The following LRRC49 variants were observed in gnomAD, a reference collection of about 807,000 sequenced individuals.
LRRC49 encodes leucine rich repeat containing 49, also known as leucine-rich repeat-containing protein 49.
In LRRC49, 50 loss-of-function variants were observed where a neutral mutation model predicts 83.3. The ratio of observed to expected loss-of-function variants is 0.60; its 90% CI spans 0.48 to 0.76. LRRC49 has a LOEUF of 0.76. Among genes scored for constraint, LRRC49 ranks in the 30% least tolerant of loss-of-function variants. The probability of loss-of-function intolerance (pLI) is 0.00; values close to 1 mark genes in which losing one functional copy is unlikely to be tolerated. For missense variants in LRRC49, 704 were observed against 809.1 expected (o/e 0.87, Z 1.58); for synonymous variants, 286 against 283.3 (o/e 1.01, Z -0.10).
At chr15:70,912,932 C>A (rs2034610825) in intron 6 of LRRC49, among the ~76,000 whole-genome samples, 1 of 152,198 alleles carries the variant, frequency 6.6e-6, no homozygotes, top group Non-Finnish European at 1.5e-5. Context: ...CTGCCTCGGC[C>A]TCCCAAAGTG....
upstream of LRRC49, chr15:70,891,770 C>A: frequency 7.4e-7 from 1 of 1,360,006 alleles, no homozygotes; most frequent in South Asian, 1.5e-5. Context: ...GTGCCTTTCC[C>A]AAGGTGACAC....
intron 1 of LRRC49, among the ~76,000 whole-genome samples, chr15:70,866,935 G>T (rs748417884): frequency 6.6e-6 from 1 of 151,918 alleles, no homozygotes; most frequent in East Asian, 1.9e-4. Context: ...ACTCCAGATC[G>T]ACTCAAGGCC....
intron 7 of LRRC49, among the ~76,000 whole-genome samples, chr15:70,933,686 G>A (rs150085700): frequency 0.011 from 1,610 of 152,292 alleles, 117 homozygotes; most frequent in Admixed American, 0.097. Flanking sequence ...AGCCTTGGCT[G>A]TATCTTCGAA....
rs576099348 is a variant in LRRC49, at chr15:70,986,683, T to C, written c.1169+2426T>C. Among the ~76,000 whole-genome samples, 33 of 152,028 alleles carry C rather than the reference T, an allele frequency of 2.2e-4. No homozygotes were observed. In the South Asian group the frequency reaches 6.5e-3, roughly 30 times the overall value. ...CTTCCAACACTGTGTTGAATAGGAG[T>C]GGTGAGAGAGGGCATCCCTGTCTTG... On this transcript the variant is annotated intron_variant, in intron 11 of 15. Transcript: ENST00000260382.
intron 10 of LRRC49, among the ~76,000 whole-genome samples, chr15:70,981,461 T>C (rs2037395108): frequency 6.6e-6 from 1 of 151,886 alleles, no homozygotes; most frequent in Non-Finnish European, 1.5e-5. Flanking sequence ...AACCTGCACG[T>C]TCTGCATATG....
At chr15:70,915,510 ATGTT>A (rs1406359928) in intron 6 of LRRC49, among the ~76,000 whole-genome samples, 1 of 152,004 alleles carries the variant, frequency 6.6e-6, no homozygotes, top group Non-Finnish European at 1.5e-5. Flanking sequence ...TTTTCCATTT[ATGTT>A]TGTTATATCT....
At chr15:70,918,590 A>G (rs1301648466) in intron 6 of LRRC49, 1 of 152,424 alleles carries the variant, frequency 6.6e-6, no homozygotes, top group Admixed American at 6.5e-5. Flanking sequence ...GACTGCTCTC[A>G]AGATCTTGCA....
intron 10 of LRRC49, among the ~76,000 whole-genome samples, chr15:70,982,327 C>G (rs1424705703): frequency 6.6e-6 from 1 of 151,904 alleles, no homozygotes; most frequent in East Asian, 1.9e-4. Context: ...TTCAAAGTGG[C>G]CTTGATACTG....
chr15:70,930,967 A>G (rs915499035), intron 7 of LRRC49, among the ~76,000 whole-genome samples: 11 of 151,940 alleles, frequency 7.2e-5, no homozygotes. Context: ...CTTTCTTCCT[A>G]TTGTTTTTAT....
intron 7 of LRRC49, among the ~76,000 whole-genome samples, chr15:70,928,340 C>T (rs1233082642): frequency 6.6e-6 from 1 of 152,012 alleles, no homozygotes; most frequent in East Asian, 1.9e-4. Flanking sequence ...CTGGTTAAGT[C>T]TAAAAGAGCT....
chr15:70,878,457 C>T (rs1567033468), intron 2 of LRRC49, among the ~76,000 whole-genome samples: 1 of 152,100 alleles, frequency 6.6e-6, no homozygotes, highest in Non-Finnish European at 1.5e-5. Context: ...TTTCCCCTTG[C>T]CTTTATTGCA....
At chr15:70,926,183 G>A (rs1001267305) in intron 7 of LRRC49, among the ~76,000 whole-genome samples, 2 of 152,102 alleles carry the variant, frequency 1.3e-5, no homozygotes, top group African/African-American at 2.4e-5. Context: ...CAGGCACATT[G>A]GTTATTTCCA....
In LRRC49 at chr15:71,032,041, T is replaced by C. The variant is rs546921080; in HGVS notation, c.1704-5138T>C. On this transcript the variant is annotated intron_variant, in intron 14 of 15. Coordinates refer to ENST00000260382, the MANE Select transcript of LRRC49 (RefSeq NM_017691.5). ...TGGGGTTCCAGGCGCCACTGGGGTA[T>C]GAAAAAATACTCCTAAAGCTAGTTC... is the stretch of plus-strand genomic sequence containing the variant. Among the ~76,000 whole-genome samples, 3 of 152,146 alleles carry C rather than the reference T, an allele frequency of 2.0e-5. No individual in the cohort carries two copies. In the South Asian group the frequency reaches 6.2e-4, roughly 32 times the overall value.
chr15:70,872,265 C>G (rs1158272402), intron 1 of LRRC49, among the ~76,000 whole-genome samples: 1 of 152,234 alleles, frequency 6.6e-6, no homozygotes, highest in Non-Finnish European at 1.5e-5. Context: ...CGTGGCAGCA[C>G]GCGCCTGCAA....
rs2037815708 is a variant in LRRC49 at position 70,990,276 on chromosome 15, G to T, written c.1169+6019G>T. ...GGCAGGCAGGCCTCCTTGAGCTGTG[G>T]TGGGCTCCACTCAGTTGGAGCTTCC... On this transcript the variant is annotated intron_variant, in intron 11 of 15. Transcript: ENST00000260382. 2.0e-5 allele frequency among the ~76,000 whole-genome samples: 3 copies of T among 152,330 alleles called. No individual in the cohort carries two copies. In the South Asian group the frequency reaches 6.2e-4, roughly 32 times the overall value.
intron 8 of LRRC49, among the ~76,000 whole-genome samples, chr15:70,946,181 A>G (rs1473747256): frequency 6.6e-6 from 1 of 152,170 alleles, no homozygotes; most frequent in Non-Finnish European, 1.5e-5. Flanking sequence ...TATAATCACC[A>G]TGTTGAACTA....
rs1337848077 is a variant in LRRC49, at chr15:71,050,019, C to T, written c.*407C>T. 1 of 156,414 alleles carries T rather than the reference C, an allele frequency of 6.4e-6. No individual in the cohort carries two copies. The highest frequency in any genetic ancestry group is 2.4e-5 in the African/African-American group (1 of 41,508). The allele number at this position is 156,414 out of a possible 1,614,324, so 9.7% of individuals were successfully genotyped here. A position where few individuals can be genotyped will look rare whatever the true frequency, so the allele number is the denominator to read the frequency against. On this transcript the variant is annotated 3_prime_UTR_variant, in exon 16 of 16. Transcript: ENST00000260382. ...TTTATTTTATGTCATGATTTCAAAGCCAAAAATATGTTCTTTTTATGAGTG... is the reference window on the plus strand; with the variant it reads ...TTTATTTTATGTCATGATTTCAAAGTCAAAAATATGTTCTTTTTATGAGTG...
intron 1 of LRRC49, chr15:70,859,610 C>A (rs1309165852): frequency 1.9e-5 from 12 of 644,540 alleles, no homozygotes; most frequent in Non-Finnish European, 3.6e-5. Flanking sequence ...TGGGCATGAC[C>A]TGCAGCCTAT....
At chr15:70,949,834 C>T (rs1028658624) in intron 8 of LRRC49, among the ~76,000 whole-genome samples, 6 of 151,832 alleles carry the variant, frequency 4.0e-5, no homozygotes, top group African/African-American at 1.2e-4. Flanking sequence ...ATTTTAAGTT[C>T]GGGGCTACAT....
Sources: allele counts gnomAD v4.1 joint callset (sites outside exome capture counted in the v4.1 genomes callset), GRCh38; gene constraint gnomAD v4.1.1; transcripts MANE v1.5; gene names NCBI Gene and HGNC (gene_info 2026-07-23, HGNC 2026-07-21).